FRMD8: variants seen among roughly 807,000 people sequenced by gnomAD.
FRMD8 encodes FERM domain-containing protein 8.
Under a neutral mutation model 54.2 loss-of-function variants are expected in FRMD8, and 37 were observed. The ratio of observed to expected loss-of-function variants is 0.68; its 90% CI spans 0.53 to 0.90. The LOEUF is 0.90. Ranked by LOEUF, FRMD8 falls within the 40% of genes least tolerant of loss-of-function variation. The probability of loss-of-function intolerance (pLI) is 0.00; values close to 1 mark genes in which losing one functional copy is unlikely to be tolerated. For synonymous variants in FRMD8, 246 were observed against 286.9 expected (o/e 0.86, Z 1.44); for missense variants, 585 against 653.7 (o/e 0.89, Z 1.15).
At chr11:65,386,042 C>T (rs1209036854), upstream of FRMD8, among the ~76,000 whole-genome samples, 10 of 151,968 alleles carry the variant, frequency 6.6e-5, no homozygotes, top group Non-Finnish European at 1.2e-4. Context: ...GTGATCCGCC[C>T]GCCTCGGCCT....
At chr11:65,368,546 A>T in the FRMD8 span, among the ~76,000 whole-genome samples, 1 of 150,754 alleles carries the variant, frequency 6.6e-6, no homozygotes, top group Non-Finnish European at 1.5e-5. Context: ...TATGCCAGCT[A>T]GAGTTTTGTT....
chr11:65,402,153 A>C (rs1164868637), intron 9 of FRMD8, among the ~76,000 whole-genome samples: 1 of 152,090 alleles, frequency 6.6e-6, no homozygotes, highest in Non-Finnish European at 1.5e-5. Context: ...GCTCAAGACC[A>C]GCCTGGCCAA....
chr11:65,385,441 C>G (rs1268638336), upstream of FRMD8, among the ~76,000 whole-genome samples: 1 of 152,172 alleles, frequency 6.6e-6, no homozygotes. Flanking sequence ...GCTTTCCAAT[C>G]CCAGGGAACC....
intron 9 of FRMD8, among the ~76,000 whole-genome samples, chr11:65,401,706 C>T (rs979276871): frequency 2.0e-5 from 3 of 151,008 alleles, no homozygotes; most frequent in African/African-American, 7.3e-5. Context: ...CCACCTCCTC[C>T]CCCAGCTTCC....
At chr11:65,379,559 G>A in the FRMD8 span, 2 of 1,604,284 alleles carry the variant, frequency 1.2e-6, no homozygotes, top group Non-Finnish European at 8.5e-7. Flanking sequence ...AGAAGCCCAG[G>A]AGCTGCAGAG....
the FRMD8 span, chr11:65,380,686 C>T: frequency 6.7e-6 from 7 of 1,049,184 alleles, no homozygotes; most frequent in Non-Finnish European, 9.0e-6. Flanking sequence ...CTCCCCTCCA[C>T]CTGCCCACTG....
At chr11:65,386,256 C>T (rs949840022), upstream of FRMD8, among the ~76,000 whole-genome samples, 4 of 152,146 alleles carry the variant, frequency 2.6e-5, no homozygotes, top group Non-Finnish European at 5.9e-5. Context: ...TGACCACTGC[C>T]GAGAGCGCCA....
chr11:65,405,099 C>T, intron 10 of FRMD8, 31 bp downstream of exon 10: 1 of 1,596,396 alleles, frequency 6.3e-7, no homozygotes, highest in African/African-American at 1.3e-5. Context: ...TGTGCACACA[C>T]AAACACGCAT....
chr11:65,409,295 C>G lies in FRMD8; in HGVS notation c.1277-1947C>G, dbSNP rs1479587133. ...AGAGACAGGGTTTCGCCATGTTGGCCAGGCTGGTCTCGAACTCCTGACCTC... is the reference window on the plus strand; with the variant it reads ...AGAGACAGGGTTTCGCCATGTTGGCGAGGCTGGTCTCGAACTCCTGACCTC... On this transcript the variant is annotated intron_variant, in intron 10 of 10. Coordinates refer to ENST00000317568, the MANE Select transcript of FRMD8 (RefSeq NM_031904.5). Among the ~76,000 whole-genome samples the G allele has an allele frequency of 2.6e-5, 4 of 152,058 alleles. No homozygotes were observed. The South Asian group carries it at 8.3e-4, about 31-fold the overall frequency.
Position 65,400,456 on chromosome 11 carries a change from C to T in FRMD8, c.928-268C>T, listed in dbSNP as rs757056576. Among the ~76,000 whole-genome samples, 1 of 152,234 alleles carries T rather than the reference C, an allele frequency of 6.6e-6. No individual in the cohort carries two copies. Among genetic ancestry groups the T allele is most frequent in the African/African-American group, 2.4e-5 (1 of 41,456 alleles). ...CATAGAAGAGACTCCGCTTCCCCAC[C>T]TGCCTCCTCCCCCACGTGCCTCCCC... On this transcript the variant is annotated intron_variant, in intron 8 of 10. Transcript: ENST00000317568. This position sits in a 1 kb window ranked among gnomAD's most constrained non-coding sequence, Gnocchi z 4.3.
chr11:65,371,807 C>G, the FRMD8 span, among the ~76,000 whole-genome samples: 8 of 151,718 alleles, frequency 5.3e-5, no homozygotes, highest in African/African-American at 9.7e-5. Flanking sequence ...GTAGAGACGG[C>G]GTTTCACTGT....
chr11:65,401,824 CTTTTTTTT>C (rs61275056), intron 9 of FRMD8, among the ~76,000 whole-genome samples: 11 of 119,730 alleles, frequency 9.2e-5, no homozygotes, highest in African/African-American at 3.2e-4. Context: ...TCACAATTTT[CTTTTTTTT>C]TTTTTTTTTT....
chr11:65,405,034 C>T lies in FRMD8; in HGVS notation c.1242C>T (p.Ile414=). 6.2e-7 allele frequency: 1 copy of T among 1,613,540 alleles called. No homozygotes were observed. Residue 414 remains isoleucine (I), a synonymous_variant, in exon 10 of 11, where the codon ATC becomes ATT. Coordinates refer to ENST00000317568, the MANE Select transcript of FRMD8 (RefSeq NM_031904.5). ...AGGGCAGTGTGGTGTCCAGCCGGAT[C>T]CAGCATCTCTCCACCATCGACTACG... is the stretch of plus-strand genomic sequence containing the variant. The part of the protein sequence containing the change: ...RRQGSVVSSR[I]QHLSTIDYVE...
At position 65,386,693 on chromosome 11, in the gene FRMD8, C is replaced by T. The variant is rs1488136952; in HGVS notation, c.-69C>T. On this transcript the variant is annotated 5_prime_UTR_variant, in exon 1 of 11. Transcript: ENST00000317568. ...GAGCCCGAGTGCGGGCGGTGGCGGGCTTGGCGGCGGGGCAGGATTCCAGGC... is the reference window on the plus strand; with the variant it reads ...GAGCCCGAGTGCGGGCGGTGGCGGGTTTGGCGGCGGGGCAGGATTCCAGGC... 9 of 303,848 alleles carry T rather than the reference C, an allele frequency of 3.0e-5. No homozygotes were observed. The East Asian group carries it at 4.4e-4, about 15-fold the overall frequency. The allele number at this position is 303,848 out of a possible 1,614,324, so 18.8% of individuals were successfully genotyped here.
In FRMD8 at chr11:65,397,634, A is replaced by G. The variant is rs139806294; in HGVS notation, c.803+614A>G. Among the ~76,000 whole-genome samples the G allele has an allele frequency of 3.1e-3, 468 of 152,338 alleles. 4 individuals carry two copies. The highest frequency in any genetic ancestry group is 0.011 in the African/African-American group (446 of 41,576). Reference sequence around the variant, plus strand: ...AGAGGAGGCAGAGAGGACTGGCCTAAGCCCCTGGCAGATGGCGTTGTCCTC... The same window carrying G: ...AGAGGAGGCAGAGAGGACTGGCCTAGGCCCCTGGCAGATGGCGTTGTCCTC... On this transcript the variant is annotated intron_variant, in intron 7 of 10. Transcript: ENST00000317568.
chr11:65,405,074 C>T lies in FRMD8; in HGVS notation c.1276+6C>T, dbSNP rs1272666864. 6.2e-7 allele frequency: 1 copy of T among 1,613,036 alleles called. No homozygotes were observed. The highest frequency in any genetic ancestry group is 1.7e-5 in the Admixed American group (1 of 60,032). On this transcript the variant is annotated splice_donor_region_variant and intron_variant, in intron 10 of 10. Transcript: ENST00000317568. ...CATCGACTACGTGGAGGACGGTGAG[C>T]AGCCCTTCTGTGCATGTGCACACAC...
the FRMD8 span, chr11:65,380,679 C>A: frequency 9.0e-7 from 1 of 1,115,688 alleles, no homozygotes; most frequent in South Asian, 1.3e-5. Flanking sequence ...TTCTCCCCTC[C>A]CCTCCACCTG....
chr11:65,386,690 G>T lies in FRMD8; in HGVS notation c.-72G>T, dbSNP rs1214034141. 6.7e-6 allele frequency: 2 copies of T among 299,684 alleles called. No homozygotes were observed. Among genetic ancestry groups the T allele is most frequent in the Non-Finnish European group, 1.2e-5 (2 of 161,916 alleles). The allele number at this position is 299,684 out of a possible 1,614,324, so 18.6% of individuals were successfully genotyped here. On this transcript the variant is annotated 5_prime_UTR_variant, in exon 1 of 11. Transcript: ENST00000317568. ...CGGGAGCCCGAGTGCGGGCGGTGGCGGGCTTGGCGGCGGGGCAGGATTCCA... is the reference window on the plus strand; with the variant it reads ...CGGGAGCCCGAGTGCGGGCGGTGGCTGGCTTGGCGGCGGGGCAGGATTCCA...
At chr11:65,398,544 G>A (rs566929594) in intron 7 of FRMD8, among the ~76,000 whole-genome samples, 1 of 152,366 alleles carries the variant, frequency 6.6e-6, no homozygotes, top group East Asian at 1.9e-4. Context: ...CGCATGCCCC[G>A]CTTGTCCTCC....
Sources: gnomAD v4.1 joint callset for allele counts (sites outside exome capture counted in the v4.1 genomes callset) on GRCh38, gnomAD v4.1.1 for gene constraint, Gnocchi (gnomAD v3.1) non-coding constraint, MANE v1.5 for transcripts, NCBI Gene and HGNC (gene_info 2026-07-23, HGNC 2026-07-21) for gene names.